Variants in CLINT1 observed in about 807,000 individuals in gnomAD.
CLINT1 encodes clathrin interactor 1.
In CLINT1, 15 loss-of-function variants were observed where a neutral mutation model predicts 70.4. The observed-to-expected ratio is 0.21, with a 90% CI of 0.14 to 0.33. The LOEUF (loss-of-function observed/expected upper bound fraction) is 0.33. Among genes scored for constraint, CLINT1 ranks in the 10% least tolerant of loss-of-function variants. The probability of loss-of-function intolerance (pLI) is 1.00; values close to 1 mark genes in which losing one functional copy is unlikely to be tolerated. For missense variants in CLINT1, 615 were observed against 778.1 expected, an observed-to-expected ratio of 0.79 and a Z score of 2.49; for synonymous variants, 227 against 254.7, an observed-to-expected ratio of 0.89 and a Z score of 1.04.
Position 157,785,893 on chromosome 5 carries a change from T to G in CLINT1, c.*1753A>C, listed in dbSNP as rs1268913404. The G allele has an allele frequency of 1.3e-5, 2 of 152,226 alleles. No homozygotes were observed. Among genetic ancestry groups the G allele is most frequent in the Non-Finnish European group, 2.9e-5 (2 of 68,028 alleles). 9.4% of individuals were successfully genotyped at this position (152,226 alleles called of 1,614,324 possible). A position where few individuals can be genotyped will look rare whatever the true frequency, so the allele number is the denominator to read the frequency against. ...TGCGGCCACCAGAGGCTGGCTTGATTGCTCTGAAGTAACAACACTTGAAAG... is the reference window on the plus strand; with the variant it reads ...TGCGGCCACCAGAGGCTGGCTTGATGGCTCTGAAGTAACAACACTTGAAAG... On this transcript the variant is annotated 3_prime_UTR_variant, in exon 12 of 12. Coordinates refer to ENST00000411809, the MANE Select transcript of CLINT1 (RefSeq NM_014666.4).
chr5:157,794,202 G>A (rs908606854), intron 9 of CLINT1, among the ~76,000 whole-genome samples: 35 of 151,858 alleles, frequency 2.3e-4, no homozygotes, highest in African/African-American at 7.7e-4. Flanking sequence ...AAGCAACACC[G>A]TTCCCAGTTT....
chr5:157,807,172 C>T (rs1168025545), intron 6 of CLINT1, among the ~76,000 whole-genome samples: 1 of 151,920 alleles, frequency 6.6e-6, no homozygotes, highest in Admixed American at 6.6e-5. Context: ...AAATATAAAC[C>T]AATCTGGAAC....
At chr5:157,800,747 A>C (rs2113157715) in intron 8 of CLINT1, among the ~76,000 whole-genome samples, 1 of 152,320 alleles carries the variant, frequency 6.6e-6, no homozygotes, top group South Asian at 2.1e-4. Flanking sequence ...ACTTCTATTT[A>C]ATTAGTCAAA....
chr5:157,855,897 T>C (rs1458247061), intron 1 of CLINT1, among the ~76,000 whole-genome samples: 1 of 151,202 alleles, frequency 6.6e-6, no homozygotes, highest in Non-Finnish European at 1.5e-5. Context: ...ATCTCGCCAC[T>C]GCACTTCAGC....
chr5:157,845,487 T>C (rs1753339521), intron 1 of CLINT1, among the ~76,000 whole-genome samples: 1 of 152,164 alleles, frequency 6.6e-6, no homozygotes, highest in Non-Finnish European at 1.5e-5. Context: ...AATTTTACTG[T>C]GCTTTGCTTT....
intron 6 of CLINT1, among the ~76,000 whole-genome samples, chr5:157,806,581 T>C (rs140588944): frequency 7.0e-4 from 106 of 152,024 alleles, no homozygotes; most frequent in African/African-American, 2.4e-3. Flanking sequence ...GACTAATGTG[T>C]GTACATAATA....
At chr5:157,825,204 TATC>T (rs913012960) in intron 1 of CLINT1, among the ~76,000 whole-genome samples, 14 of 152,160 alleles carry the variant, frequency 9.2e-5, no homozygotes, top group Non-Finnish European at 1.5e-4. Flanking sequence ...AATCCAATGA[TATC>T]ATATGTATAT....
At chr5:157,837,415 C>T (rs879564432) in intron 1 of CLINT1, among the ~76,000 whole-genome samples, 249 of 110,206 alleles carry the variant, frequency 2.3e-3, no homozygotes, top group Admixed American at 3.9e-3. Context: ...TGTAAATACA[C>T]ACACACACAC....
chr5:157,813,226 A>G lies in CLINT1; in HGVS notation c.354T>C (p.Asp118=), dbSNP rs756448809. Residue 118 remains aspartate (D), a splice_region_variant and synonymous_variant, in exon 5 of 12, where the codon GAT becomes GAC. Coordinates refer to ENST00000411809, the MANE Select transcript of CLINT1 (RefSeq NM_014666.4). ...LRSLENYHFV[D]EHGKDQGINI... The stretch of plus-strand genomic sequence containing the variant: ...TTATACCTTGATCCTTACCATGCTC[A>G]TCTATGAGGATGGTAAGAGATAAGC... 15 of 1,611,464 alleles carry G rather than the reference A, an allele frequency of 9.3e-6. No homozygotes were observed. Among genetic ancestry groups the G allele is most frequent in the Middle Eastern group, 1.7e-4 (1 of 6,054 alleles).
chr5:157,787,710 A>G lies in CLINT1; in HGVS notation c.1814T>C (p.Met605Thr), dbSNP rs746112729. 2.5e-6 allele frequency: 4 copies of G among 1,614,060 alleles called. No individual in the cohort carries two copies. Among genetic ancestry groups the G allele is most frequent in the South Asian group, 1.1e-5 (1 of 91,090 alleles). ...CTTGGGTTGCACAGTTCCAGAAGTCATGGCTATGTTGGGCATGCCCATTCC... is the reference window on the plus strand; with the variant it reads ...CTTGGGTTGCACAGTTCCAGAAGTCGTGGCTATGTTGGGCATGCCCATTCC... ...TMGMGMPNIAMTSGTVQPKQD... is the reference protein window; with the variant it reads ...TMGMGMPNIATTSGTVQPKQD... The change falls in exon 12 of 12, where the codon ATG (methionine) becomes ACG (threonine). Residue 605 changes from methionine to threonine, a missense_variant. By Grantham distance (81) the Met-to-Thr change is moderately conservative (BLOSUM62 -1). Transcript: ENST00000411809.
chr5:157,846,447 C>T (rs1006417155), intron 1 of CLINT1, among the ~76,000 whole-genome samples: 1 of 152,110 alleles, frequency 6.6e-6, no homozygotes, highest in African/African-American at 2.4e-5. Context: ...TCTATGAAGG[C>T]TGAGAGAGGT....
At position 157,809,660 on chromosome 5, in the gene CLINT1, C is replaced by A. The variant is rs1440390919; in HGVS notation, c.663G>T (p.Arg221Ser). ...TTTCTGGAGAGTCTTCTCTATCTTTCCTCCGGAACTTGCTGATGGTGTCAT... is the reference window on the plus strand; with the variant it reads ...TTTCTGGAGAGTCTTCTCTATCTTTACTCCGGAACTTGCTGATGGTGTCAT... ...TIDDTISKFR[R>S]KDREDSPERC... The change falls in exon 6 of 12, where the codon AGG becomes AGT. Residue 221 changes from arginine (R) to serine (S), a missense_variant. By Grantham distance (110) the Arg-to-Ser change is moderately radical. Around this residue, in one of 2 missense-constraint regions of CLINT1, gnomAD observed 241 missense variants for 368.6 expected, o/e 0.65. Transcript: ENST00000411809. 2.5e-6 allele frequency: 4 copies of A among 1,611,812 alleles called. No individual in the cohort carries two copies. Among genetic ancestry groups the A allele is most frequent in the Non-Finnish European group, 3.4e-6 (4 of 1,179,098 alleles).
intron 7 of CLINT1, 113 bp downstream of exon 7, chr5:157,805,745 GCCAGATGA>G: frequency 8.2e-7 from 1 of 1,221,060 alleles, no homozygotes; most frequent in Non-Finnish European, 1.1e-6. Flanking sequence ...GGTAATACAT[GCCAGATGA>G]TCCATAATTA....
At chr5:157,795,402 A>C (rs1762035996) in intron 8 of CLINT1, 1 of 157,450 alleles carries the variant, frequency 6.4e-6, no homozygotes, top group African/African-American at 2.4e-5. Context: ...TTTTTTTTTT[A>C]ATTGCTATCC....
At chr5:157,845,095 T>A (rs1472932671) in intron 1 of CLINT1, among the ~76,000 whole-genome samples, 1 of 152,218 alleles carries the variant, frequency 6.6e-6, no homozygotes, top group Non-Finnish European at 1.5e-5. Flanking sequence ...ACGCCTGTAA[T>A]CCCAGCACTT....
At chr5:157,824,282 G>A (rs565629121) in intron 1 of CLINT1, among the ~76,000 whole-genome samples, 5 of 152,256 alleles carry the variant, frequency 3.3e-5, no homozygotes, top group African/African-American at 9.6e-5. Flanking sequence ...CATTTTATAG[G>A]TTCAATACTC....
chr5:157,811,835 T>A (rs1762570122), intron 5 of CLINT1, among the ~76,000 whole-genome samples: 1 of 152,196 alleles, frequency 6.6e-6, no homozygotes, highest in Non-Finnish European at 1.5e-5. Context: ...ACACATTAAG[T>A]TGCTACAACT....
chr5:157,809,606 G>A (rs759419015), intron 6 of CLINT1, 22 bp downstream of exon 6: 30 of 1,572,076 alleles, frequency 1.9e-5, no homozygotes, highest in Admixed American at 2.0e-5. Context: ...TAAGAGACCC[G>A]GGAGACAAAG....
rs1265576593 is a variant in CLINT1, at chr5:157,858,954, T to C, written c.17A>G (p.Lys6Arg). MLNMW[K>R]VRELVDKATN... ...CGCTTTGTCCACCAGCTCGCGCACC[T>C]TCCACATGTTCAACATCGTGCCCCG... Residue 6 changes from lysine to arginine, a missense_variant, in exon 1 of 12, where the codon AAG becomes AGG. By Grantham distance (26) the Lys-to-Arg change is conservative. This residue lies in a region of CLINT1 where 241 missense variants were observed against 368.6 expected (regional missense o/e 0.65). Coordinates refer to ENST00000411809, the MANE Select transcript of CLINT1 (RefSeq NM_014666.4). 1 of 1,488,920 alleles carries C rather than the reference T, an allele frequency of 6.7e-7. No individual in the cohort carries two copies. Among genetic ancestry groups the C allele is most frequent in the African/African-American group, 1.5e-5 (1 of 66,842 alleles). 92.2% of individuals were successfully genotyped at this position (1,488,920 alleles called of 1,614,324 possible). A position where few individuals can be genotyped will look rare whatever the true frequency, so the allele number is the denominator to read the frequency against.
Sources: allele counts gnomAD v4.1 joint callset (sites outside exome capture counted in the v4.1 genomes callset), GRCh38; gene constraint gnomAD v4.1.1; regional missense constraint gnomAD v4.1.1; transcripts MANE v1.5; gene names NCBI Gene and HGNC (gene_info 2026-07-23, HGNC 2026-07-21).